Variants in ZNF439 observed in about 807,000 individuals in gnomAD.
ZNF439 encodes zinc finger protein 439.
ZNF439 carries 40 observed loss-of-function variants against 47.3 expected under a neutral mutation model. The observed-to-expected ratio is 0.85, with a 90% CI of 0.66 to 1.10. The LOEUF is 1.10. ZNF439 is among the 50% of genes least tolerant of loss of function. The probability of loss-of-function intolerance (pLI) is 0.00; values close to 1 mark genes in which losing one functional copy is unlikely to be tolerated. For missense variants in ZNF439, 556 were observed against 601.1 expected, an observed-to-expected ratio of 0.93 and a Z score of 0.78; for synonymous variants, 171 against 198.8, an observed-to-expected ratio of 0.86 and a Z score of 1.18.
rs965561824 is a variant in ZNF439, at chr19:11,849,129, C to T, written c.63+199C>T. On this transcript the variant is annotated intron_variant, in intron 1 of 3. Coordinates refer to ENST00000682736, the MANE Select transcript of ZNF439 (RefSeq NM_001348719.2). ...GTCCTGTCCCGTCCCTGCCCGTCGA[C>T]TGCGGCCTTGGCCCCGAAGCCCTTT... 6 of 1,151,146 alleles carry T rather than the reference C, an allele frequency of 5.2e-6. No homozygotes were observed. The African/African-American group carries it at 1.0e-4, about 19-fold the overall frequency. 71.3% of individuals were successfully genotyped at this position (1,151,146 alleles called of 1,614,324 possible).
At chr19:11,848,969 G>A (rs1382362432) in intron 1 of ZNF439, 39 bp downstream of exon 1, 3 of 1,515,108 alleles carry the variant, frequency 2.0e-6, no homozygotes, top group Non-Finnish European at 2.7e-6. Context: ...TGGGGGAGGG[G>A]CTGCCTGGAA....
At position 11,865,738 on chromosome 19, in the gene ZNF439, A is replaced by AAC. The variant is rs1976659052; in HGVS notation, c.64-466_64-465insCA. Reference sequence around the variant, plus strand: ...AAAAAAAAAAAAAAAAAAAAAAAAAAAATTGCTGTCTGGGTGTGGTGGCTC... The same window carrying AAC: ...AAAAAAAAAAAAAAAAAAAAAAAAAAACAATTGCTGTCTGGGTGTGGTGGCTC... On this transcript the variant is annotated intron_variant, in intron 1 of 3. Transcript: ENST00000682736. 2.8e-5 allele frequency among the ~76,000 whole-genome samples: 4 copies of AAC among 144,754 alleles called. 1 individual carries two copies. Among genetic ancestry groups the AAC allele is most frequent in the African/African-American group, 1.1e-4 (4 of 37,730 alleles). The allele number at this position is 144,754 out of a possible 152,430, so 95.0% of individuals were successfully genotyped here.
At position 11,867,402 on chromosome 19, in the gene ZNF439, G is replaced by A; in HGVS notation, c.348G>A (p.Lys116=). 1 of 1,614,010 alleles carries A rather than the reference G, an allele frequency of 6.2e-7. No homozygotes were observed. The highest frequency in any genetic ancestry group is 8.5e-7 in the Non-Finnish European group (1 of 1,179,882). ...PVPDDRLNFQ[K]KKASPEVKSC... ...CAGATGACAGGCTGAACTTCCAGAA[G>A]AAGAAAGCTTCTCCTGAAGTAAAAT... is the stretch of plus-strand genomic sequence containing the variant. Residue 116 remains lysine, a synonymous_variant, in exon 4 of 4, where the codon AAG becomes AAA. Coordinates refer to ENST00000682736, the MANE Select transcript of ZNF439 (RefSeq NM_001348719.2).
rs1340518982 is a variant in ZNF439 at position 11,868,123 on chromosome 19, AG to A, written c.1070del (p.Arg357AsnfsTer194). ...ACACATAAGAATGCACTCTGGAGAA[AG>A]ACCTTATGAATGTAAGACATGTGGG... The part of the protein sequence containing the change: ...QTHIRMHSGE[R>X]PYECKTCGKG... On this transcript the variant is annotated frameshift_variant, in exon 4 of 4. Coordinates refer to ENST00000682736, the MANE Select transcript of ZNF439 (RefSeq NM_001348719.2). LOFTEE classifies it high-confidence loss of function. 1 of 1,614,114 alleles carries A rather than the reference AG, an allele frequency of 6.2e-7. No individual in the cohort carries two copies. The highest frequency in any genetic ancestry group is 8.5e-7 in the Non-Finnish European group (1 of 1,180,050).
chr19:11,868,863 C>A lies in ZNF439; in HGVS notation c.*294C>A. On this transcript the variant is annotated 3_prime_UTR_variant, in exon 4 of 4. Transcript: ENST00000682736. Reference sequence around the variant, plus strand: ...AGCGTTCCATAATTTCTCTTCTTTTCAAATACATGAAAGTTGCACAGAGGA... The same window carrying A: ...AGCGTTCCATAATTTCTCTTCTTTTAAAATACATGAAAGTTGCACAGAGGA... 2.3e-6 allele frequency: 1 copy of A among 439,974 alleles called. No individual in the cohort carries two copies. The highest frequency in any genetic ancestry group is 4.3e-6 in the Non-Finnish European group (1 of 232,800). 27.3% of individuals were successfully genotyped at this position (439,974 alleles called of 1,614,324 possible).
chr19:11,860,698 C>A (rs1047742126), intron 1 of ZNF439, among the ~76,000 whole-genome samples: 1 of 152,006 alleles, frequency 6.6e-6, no homozygotes, highest in South Asian at 2.1e-4. Context: ...TAGTGCCCTT[C>A]GTATTTATTG....
At chr19:11,866,357 C>T in intron 2 of ZNF439, 26 bp downstream of exon 2, 1 of 1,613,854 alleles carries the variant, frequency 6.2e-7, no homozygotes, top group Non-Finnish European at 8.5e-7. Context: ...TTCCTTCCCT[C>T]AGTGCATTAG....
chr19:11,861,202 T>C (rs1766819158), intron 1 of ZNF439, among the ~76,000 whole-genome samples: 1 of 152,222 alleles, frequency 6.6e-6, no homozygotes, highest in Non-Finnish European at 1.5e-5. Context: ...AAGCAGAGAA[T>C]AACCACTAGA....
intron 1 of ZNF439, among the ~76,000 whole-genome samples, chr19:11,853,368 AG>A (rs1235800555): frequency 6.6e-6 from 1 of 152,212 alleles, no homozygotes; most frequent in East Asian, 1.9e-4. Context: ...ACAAGGGGTC[AG>A]GGGGCTTCTT....
rs775114233 is a variant in ZNF439, at chr19:11,867,952, G to A, written c.898G>A (p.Glu300Lys). ...CHRHERSHMG[E>K]KAYQCKECGK... The stretch of plus-strand genomic sequence containing the variant: ...CAGACATGAAAGGAGTCACATGGGA[G>A]AGAAGGCTTATCAATGTAAGGAATG... The change falls in exon 4 of 4, where the codon GAG becomes AAG. Residue 300 changes from glutamate to lysine, a missense_variant. Physicochemically the swap from Glu to Lys is moderately conservative, Grantham distance 56 (BLOSUM62 1). Transcript: ENST00000682736. 1 of 1,614,134 alleles carries A rather than the reference G, an allele frequency of 6.2e-7. No homozygotes were observed. Among genetic ancestry groups the A allele is most frequent in the South Asian group, 1.1e-5 (1 of 91,084 alleles).
chr19:11,867,919 T>C lies in ZNF439; in HGVS notation c.865T>C (p.Ser289Pro). Residue 289 changes from serine to proline, a missense_variant, in exon 4 of 4, where the codon TCC becomes CCC. Ser to Pro is a moderately conservative substitution (Grantham distance 74). Coordinates refer to ENST00000682736, the MANE Select transcript of ZNF439 (RefSeq NM_001348719.2). ...TGGGAAAGCATTCCATAGTCCCAGA[T>C]CCTGTCACAGACATGAAAGGAGTCA... The part of the protein sequence containing the change: ...ECGKAFHSPR[S>P]CHRHERSHMG... 6.2e-7 allele frequency: 1 copy of C among 1,613,976 alleles called. No individual in the cohort carries two copies. Among genetic ancestry groups the C allele is most frequent in the Non-Finnish European group, 8.5e-7 (1 of 1,179,970 alleles).
At chr19:11,855,420 T>G (rs1976359419) in intron 1 of ZNF439, among the ~76,000 whole-genome samples, 2 of 152,062 alleles carry the variant, frequency 1.3e-5, no homozygotes. Context: ...AACCAAAACA[T>G]AATAAGTACA....
At chr19:11,854,357 T>A (rs1056288941) in intron 1 of ZNF439, among the ~76,000 whole-genome samples, 1 of 152,220 alleles carries the variant, frequency 6.6e-6, no homozygotes, top group African/African-American at 2.4e-5. Context: ...TAAGCTGAGT[T>A]AGAAGAAGTT....
In ZNF439 at chr19:11,866,581, C is replaced by G. The variant is rs750965979; in HGVS notation, c.235C>G (p.Pro79Ala). 1 of 1,613,364 alleles carries G rather than the reference C, an allele frequency of 6.2e-7. No individual in the cohort carries two copies. Among genetic ancestry groups the G allele is most frequent in the Admixed American group, 1.7e-5 (1 of 59,982 alleles). The change falls in exon 3 of 4, where the codon CCC (proline) becomes GCC (alanine). Residue 79 changes from proline to alanine, a missense_variant. Transcript: ENST00000682736. ...DQNIEYEYQNPRRNFRSVTEE... is the reference protein window; with the variant it reads ...DQNIEYEYQNARRNFRSVTEE... The stretch of plus-strand genomic sequence containing the variant: ...GAACATTGAATATGAGTACCAAAAC[C>G]CCAGGAGAAACTTCAGGTAATTTGC...
At chr19:11,853,276 G>A (rs1277055802) in intron 1 of ZNF439, among the ~76,000 whole-genome samples, 4 of 152,108 alleles carry the variant, frequency 2.6e-5, no homozygotes, top group African/African-American at 7.2e-5. Flanking sequence ...TTTCAGGGTC[G>A]TTAGGTACCA....
rs369759678 is a variant in ZNF439 at position 11,866,497 on chromosome 19, T to C, written c.191-40T>C. On this transcript the variant is annotated intron_variant, in intron 2 of 3. Transcript: ENST00000682736. The stretch of plus-strand genomic sequence containing the variant: ...AGGTCTAATAATTTTTTCACAATTT[T>C]ATACTGCCTCAGGATTATTTTTCTG... 7.8e-5 allele frequency: 125 copies of C among 1,608,390 alleles called. No homozygotes were observed. The South Asian group carries it at 8.5e-4, about 11-fold the overall frequency.
intron 1 of ZNF439, among the ~76,000 whole-genome samples, chr19:11,863,591 T>C (rs1185493013): frequency 6.6e-6 from 1 of 152,204 alleles, no homozygotes; most frequent in African/African-American, 2.4e-5. Flanking sequence ...GTCTTTTTAT[T>C]CTCTTAACAG....
intron 1 of ZNF439, among the ~76,000 whole-genome samples, chr19:11,862,094 TA>T (rs1398574057): frequency 6.6e-6 from 1 of 152,160 alleles, no homozygotes; most frequent in Non-Finnish European, 1.5e-5. Context: ...TTTATTTATC[TA>T]AAAAATTTTT....
intron 1 of ZNF439, chr19:11,856,112 T>G (rs1426030440): frequency 1.3e-5 from 2 of 152,252 alleles, no homozygotes; most frequent in Non-Finnish European, 2.9e-5. Flanking sequence ...CATAACACTT[T>G]CAGATAAACT....
Sources: gnomAD v4.1 joint callset for allele counts (sites outside exome capture counted in the v4.1 genomes callset) on GRCh38, gnomAD v4.1.1 for gene constraint, MANE v1.5 for transcripts, NCBI Gene and HGNC (gene_info 2026-07-23, HGNC 2026-07-21) for gene names.